STAT4: variants seen among roughly 807,000 people sequenced by gnomAD.
STAT4 encodes the protein signal transducer and activator of transcription 4.
In STAT4, 42 loss-of-function variants were observed where a neutral mutation model predicts 110.5. The observed-to-expected ratio is 0.38, with a 90% confidence interval of 0.30 to 0.49. The LOEUF is 0.49. Among genes scored for constraint, STAT4 ranks in the 20% least tolerant of loss-of-function variants. The pLI, the probability that STAT4 is intolerant of heterozygous loss-of-function variation, is 0.95. For missense variants in STAT4, 632 were observed against 887.9 expected, an observed-to-expected ratio of 0.71 and a Z score of 3.66; for synonymous variants, 284 against 302.2, an observed-to-expected ratio of 0.94 and a Z score of 0.63.
At chr2:191,067,758 A>T (rs1697035623) in intron 6 of STAT4, among the ~76,000 whole-genome samples, 1 of 152,120 alleles carries the variant, frequency 6.6e-6, no homozygotes, top group Non-Finnish European at 1.5e-5. Flanking sequence ...GTCCATATTC[A>T]ATCAACCTTC....
chr2:191,046,338 G>A lies in STAT4; in HGVS notation c.1252-5190C>T, dbSNP rs1398107277. ...CCTTGAAGTCTTACTGGAACATGGT[G>A]GCATGGGTAAAGATAGCACAGCCAT... On this transcript the variant is annotated intron_variant, in intron 14 of 23. Transcript: ENST00000392320. The surrounding 1 kb of genome is among the most constrained non-coding windows in gnomAD (Gnocchi z 4.6). 2.0e-5 allele frequency among the ~76,000 whole-genome samples: 3 copies of A among 152,178 alleles called. No individual in the cohort carries two copies. In the East Asian group the frequency reaches 5.8e-4, roughly 29 times the overall value.
intron 3 of STAT4, among the ~76,000 whole-genome samples, chr2:191,129,008 G>C (rs1367960527): frequency 6.6e-6 from 1 of 152,082 alleles, no homozygotes; most frequent in Non-Finnish European, 1.5e-5. Flanking sequence ...AATTAAATGT[G>C]AATTTTTTCG....
intron 3 of STAT4, among the ~76,000 whole-genome samples, chr2:191,088,313 C>G (rs1697695429): frequency 6.6e-6 from 1 of 152,086 alleles, no homozygotes; most frequent in Admixed American, 6.6e-5. Context: ...CACAATGCTA[C>G]TCATATTAGC....
At position 191,099,419 on chromosome 2, in the gene STAT4, C is replaced by G. The variant is rs974865873; in HGVS notation, c.274-23094G>C. Among the ~76,000 whole-genome samples, 1 of 152,200 alleles carries G rather than the reference C, an allele frequency of 6.6e-6. No individual in the cohort carries two copies. The highest frequency in any genetic ancestry group is 2.4e-5 in the African/African-American group (1 of 41,536). On this transcript the variant is annotated intron_variant, in intron 3 of 23. Coordinates refer to ENST00000392320, the MANE Select transcript of STAT4 (RefSeq NM_003151.4). The surrounding 1 kb of genome is among the most constrained non-coding windows in gnomAD (Gnocchi z 4.1). ...AATATATGTACAAGATCGTTTGTTT[C>G]AATCCTGTTTATAGTGGAGAACCAA... is the stretch of plus-strand genomic sequence containing the variant.
At chr2:191,120,100 G>A (rs1333458339) in intron 3 of STAT4, among the ~76,000 whole-genome samples, 1 of 152,094 alleles carries the variant, frequency 6.6e-6, no homozygotes, top group Non-Finnish European at 1.5e-5. Flanking sequence ...GGTCCCAGAA[G>A]AATACCTAAA....
intron 8 of STAT4, among the ~76,000 whole-genome samples, chr2:191,063,938 A>G (rs777672534): frequency 1.3e-5 from 2 of 152,190 alleles, no homozygotes; most frequent in Non-Finnish European, 2.9e-5. Context: ...CTTAAGAATC[A>G]ATTTTAGATT....
At chr2:191,148,540 T>C (rs1699513333) in intron 1 of STAT4, among the ~76,000 whole-genome samples, 1 of 152,186 alleles carries the variant, frequency 6.6e-6, no homozygotes, top group Non-Finnish European at 1.5e-5. Context: ...CTATCTCTTG[T>C]CCCCTCAACA....
intron 3 of STAT4, among the ~76,000 whole-genome samples, chr2:191,119,561 G>A (rs933250822): frequency 2.6e-5 from 4 of 152,136 alleles, no homozygotes; most frequent in African/African-American, 9.7e-5. Context: ...TTGTGTTTAA[G>A]AATTGGAAGA....
At position 191,033,931 on chromosome 2, in the gene STAT4, A is replaced by G. The variant is rs770642587; in HGVS notation, c.1695T>C (p.Ile565=). The G allele has an allele frequency of 6.2e-7, 1 of 1,611,148 alleles. No homozygotes were observed. Among genetic ancestry groups the G allele is most frequent in the Non-Finnish European group, 8.5e-7 (1 of 1,178,914 alleles). The stretch of plus-strand genomic sequence containing the variant: ...CTTACCCATCAATCCAAAGGGGAAG[A>G]ATGTGTTTCTTAATTAGATCCAATA... ...EAILDLIKKH[I]LPLWIDGYVM... Residue 565 remains isoleucine (I), a synonymous_variant, in exon 19 of 24, where the codon ATT becomes ATC. Transcript: ENST00000392320. The surrounding 1 kb of genome is among the most constrained non-coding windows in gnomAD (Gnocchi z 6.9).
intron 14 of STAT4, among the ~76,000 whole-genome samples, chr2:191,045,729 G>A (rs1378803062): frequency 6.6e-6 from 1 of 152,140 alleles, no homozygotes; most frequent in Admixed American, 6.5e-5. Context: ...TTTAAGATTC[G>A]TTATTGAGAA....
chr2:191,029,932 G>A lies in STAT4; in HGVS notation c.2221-66C>T. The A allele has an allele frequency of 7.8e-7, 1 of 1,284,534 alleles. No individual in the cohort carries two copies. Among genetic ancestry groups the A allele is most frequent in the Non-Finnish European group, 1.1e-6 (1 of 913,422 alleles). The allele number at this position is 1,284,534 out of a possible 1,614,324, so 79.6% of individuals were successfully genotyped here. A position where few individuals can be genotyped will look rare whatever the true frequency, so the allele number is the denominator to read the frequency against. ...GTTTTCAAATCAATCACTATTTCTT[G>A]GGCAAATAAACGTCCTCTTTTCTAC... On this transcript the variant is annotated intron_variant, in intron 23 of 23. Transcript: ENST00000392320. This position sits in a 1 kb window ranked among gnomAD's most constrained non-coding sequence, Gnocchi z 4.5.
chr2:191,109,327 G>GT (rs1553514072), intron 3 of STAT4, among the ~76,000 whole-genome samples: 2 of 151,576 alleles, frequency 1.3e-5, no homozygotes. Flanking sequence ...TTAAAGACAA[G>GT]TGGGGAAGCC....
rs1211480351 is a variant in STAT4, at chr2:191,036,145, T to C, written c.1570+19A>G. On this transcript the variant is annotated intron_variant, in intron 17 of 23. Transcript: ENST00000392320. ...GGGCCAAAAACAGAGGCAAATCCTCTCTATCTACCAGCTCTCACCTGTAAG... is the reference window on the plus strand; with the variant it reads ...GGGCCAAAAACAGAGGCAAATCCTCCCTATCTACCAGCTCTCACCTGTAAG... 1 of 1,609,640 alleles carries C rather than the reference T, an allele frequency of 6.2e-7. No individual in the cohort carries two copies. Among genetic ancestry groups the C allele is most frequent in the Non-Finnish European group, 8.5e-7 (1 of 1,177,498 alleles).
rs1451866319 is a variant in STAT4, at chr2:191,030,779, G to A, written c.2220+193C>T. 7.5e-6 allele frequency: 4 copies of A among 534,624 alleles called. No homozygotes were observed. Among genetic ancestry groups the A allele is most frequent in the East Asian group, 3.2e-5 (1 of 31,304 alleles). The allele number at this position is 534,624 out of a possible 1,614,324, so 33.1% of individuals were successfully genotyped here. On this transcript the variant is annotated intron_variant, in intron 23 of 23. Transcript: ENST00000392320. The surrounding 1 kb of genome is among the most constrained non-coding windows in gnomAD (Gnocchi z 4.4). ...TAAAGCAGTTTAAGTAACTGAAGGT[G>A]TCTGCTTTCAATACGCATAATATCA... is the stretch of plus-strand genomic sequence containing the variant.
Position 191,140,092 on chromosome 2 carries a change from A to G in STAT4, c.273+6521T>C, listed in dbSNP as rs1347998280. Reference sequence around the variant, plus strand: ...TGATTTCTCAGCCTATACAAAAATCAACTCAACATGGATCAAAGATTTAAA... The same window carrying G: ...TGATTTCTCAGCCTATACAAAAATCGACTCAACATGGATCAAAGATTTAAA... On this transcript the variant is annotated intron_variant, in intron 3 of 23. Transcript: ENST00000392320. The surrounding 1 kb of genome is among the most constrained non-coding windows in gnomAD (Gnocchi z 4.4). 6.6e-6 allele frequency among the ~76,000 whole-genome samples: 1 copy of G among 152,232 alleles called. No individual in the cohort carries two copies. Among genetic ancestry groups the G allele is most frequent in the Non-Finnish European group, 1.5e-5 (1 of 68,036 alleles).
chr2:191,102,955 G>C (rs772075161), intron 3 of STAT4, among the ~76,000 whole-genome samples: 1 of 152,064 alleles, frequency 6.6e-6, no homozygotes, highest in Non-Finnish European at 1.5e-5. Context: ...ATGTTCCATG[G>C]TATCAACTAT....
chr2:191,039,166 C>T lies in STAT4; in HGVS notation c.1434+33G>A. 1 of 1,584,028 alleles carries T rather than the reference C, an allele frequency of 6.3e-7. No individual in the cohort carries two copies. The highest frequency in any genetic ancestry group is 1.3e-5 in the African/African-American group (1 of 74,444). ...GTTGGCAATAAAACAAATCGAATAG[C>T]ATTAAAGAAGTTGAGGTAGAAATAG... is the stretch of plus-strand genomic sequence containing the variant. On this transcript the variant is annotated intron_variant, in intron 16 of 23. Transcript: ENST00000392320. This position sits in a 1 kb window ranked among gnomAD's most constrained non-coding sequence, Gnocchi z 4.7.
In STAT4 at chr2:191,043,399, G is replaced by T. The variant is rs1696260526; in HGVS notation, c.1252-2251C>A. Among the ~76,000 whole-genome samples the T allele has an allele frequency of 6.6e-6, 1 of 152,138 alleles. No individual in the cohort carries two copies. Among genetic ancestry groups the T allele is most frequent in the African/African-American group, 2.4e-5 (1 of 41,436 alleles). ...CAAACTAACACAAGTTCTGGAAAGA[G>T]AACAGAGAAAATGGAGTAGAGGAAA... On this transcript the variant is annotated intron_variant, in intron 14 of 23. Transcript: ENST00000392320. The surrounding 1 kb of genome is among the most constrained non-coding windows in gnomAD (Gnocchi z 4.8).
chr2:191,091,354 G>A lies in STAT4; in HGVS notation c.274-15029C>T, dbSNP rs1383144054. Among the ~76,000 whole-genome samples the A allele has an allele frequency of 6.6e-6, 1 of 151,828 alleles. No individual in the cohort carries two copies. Among genetic ancestry groups the A allele is most frequent in the African/African-American group, 2.4e-5 (1 of 41,310 alleles). On this transcript the variant is annotated intron_variant, in intron 3 of 23. Transcript: ENST00000392320. The surrounding 1 kb of genome is among the most constrained non-coding windows in gnomAD (Gnocchi z 5.4). ...ATAAGAAAAATAATTTAAAAAACAG[G>A]AACGAATTTAACAAAGAAGATACAG...
Sources: gnomAD v4.1 joint callset for allele counts (sites outside exome capture counted in the v4.1 genomes callset) on GRCh38, gnomAD v4.1.1 for gene constraint, Gnocchi (gnomAD v3.1) non-coding constraint, MANE v1.5 for transcripts, NCBI Gene and HGNC (gene_info 2026-07-23, HGNC 2026-07-21) for gene names.